Variants in MARCHF7 observed in about 807,000 individuals in gnomAD.
MARCHF7 encodes the protein E3 ubiquitin-protein ligase MARCHF7.
Under a neutral mutation model 76.5 loss-of-function variants are expected in MARCHF7, and 20 were observed. The ratio of observed to expected loss-of-function variants is 0.26; its 90% CI spans 0.18 to 0.38. The LOEUF (loss-of-function observed/expected upper bound fraction) is 0.38, where lower values mean the gene tolerates loss of function less well. MARCHF7 is among the 10% of genes least tolerant of loss of function. The pLI, the probability that MARCHF7 is intolerant of heterozygous loss-of-function variation, is 1.00. For synonymous variants in MARCHF7, 295 were observed against 293.0 expected, an observed-to-expected ratio of 1.01 and a Z score of -0.07; for missense variants, 797 against 812.9, an observed-to-expected ratio of 0.98 and a Z score of 0.24.
intron 9 of MARCHF7, among the ~76,000 whole-genome samples, chr2:159,761,254 C>T (rs1707026331): frequency 6.6e-6 from 1 of 151,722 alleles, no homozygotes; most frequent in Admixed American, 6.6e-5. Flanking sequence ...GAACTCCTGA[C>T]CTCAGGTGAG....
chr2:159,743,055 TCA>T lies in MARCHF7; in HGVS notation c.154-3_154-2del, dbSNP rs1491308630. On this transcript the variant is annotated splice_region_variant and splice_polypyrimidine_tract_variant and intron_variant, in intron 4 of 11. Coordinates refer to ENST00000409175, the MANE Select transcript of MARCHF7 (RefSeq NM_001282805.2). ...TGTTGTTTAAAAAATTTTTTTGAACTCACAGTCTACATCAGCATCAGCATCTG... is the reference window on the plus strand; with the variant it reads ...TGTTGTTTAAAAAATTTTTTTGAACTCAGTCTACATCAGCATCAGCATCTG... The T allele has an allele frequency of 5.6e-6, 9 of 1,603,716 alleles. No homozygotes were observed. Among genetic ancestry groups the T allele is most frequent in the Middle Eastern group, 1.7e-4 (1 of 6,004 alleles).
chr2:159,744,581 T>C (rs1432782538), intron 5 of MARCHF7, among the ~76,000 whole-genome samples: 2 of 152,246 alleles, frequency 1.3e-5, no homozygotes, highest in Non-Finnish European at 2.9e-5. Context: ...TAAAATTCTT[T>C]AAATGTTTGT....
chr2:159,726,172 A>G (rs191753267), intron 3 of MARCHF7, among the ~76,000 whole-genome samples: 66 of 152,276 alleles, frequency 4.3e-4, no homozygotes, highest in African/African-American at 1.4e-3. Context: ...CTTTAGGGGA[A>G]TGGAACTGGG....
At chr2:159,733,954 G>A in intron 4 of MARCHF7, 2 of 1,272,858 alleles carry the variant, frequency 1.6e-6, no homozygotes, top group Non-Finnish European at 2.0e-6. Context: ...ATATCTTTCA[G>A]TTCTCAGCCA....
At chr2:159,733,066 T>C (rs1377989078) in intron 4 of MARCHF7, 2 of 517,504 alleles carry the variant, frequency 3.9e-6, no homozygotes, top group Non-Finnish European at 2.3e-6. Context: ...TATTTAGTTA[T>C]AATTATTTAT....
At position 159,734,817 on chromosome 2, in the gene MARCHF7, GAAA is replaced by G. The variant is rs760907513; in HGVS notation, c.153+5659_153+5661del. 9.8e-3 allele frequency among the ~76,000 whole-genome samples: 540 copies of G among 55,278 alleles called. 6 individuals are homozygous for G. The highest frequency in any genetic ancestry group is 0.025 in the African/African-American group (482 of 18,918). 36.3% of individuals were successfully genotyped at this position (55,278 alleles called of 152,430 possible). On this transcript the variant is annotated intron_variant, in intron 4 of 11. Transcript: ENST00000409175. ...TGGGACCCCTCTCTAAAAATAAAAT[GAAA>G]AAAAAAAAAAAAAAAAGCCAGGCAT...
chr2:159,733,690 A>G (rs1703097741), intron 4 of MARCHF7: 1 of 985,414 alleles, frequency 1.0e-6, no homozygotes, highest in African/African-American at 1.7e-5. Context: ...AATTTCAGTT[A>G]TGTTATAGAC....
intron 3 of MARCHF7, among the ~76,000 whole-genome samples, chr2:159,721,228 GCCTGTTAAGATTCCTTA>G (rs1285126299): frequency 1.3e-5 from 2 of 152,060 alleles, no homozygotes; most frequent in African/African-American, 4.8e-5. Flanking sequence ...TGAGGAGGTG[GCCTGTTAAGATTCCTTA>G]CCTTGTTTAT....
chr2:159,759,811 T>G (rs2125700393), intron 9 of MARCHF7, among the ~76,000 whole-genome samples: 1 of 152,254 alleles, frequency 6.6e-6, no homozygotes, highest in Admixed American at 6.5e-5. Flanking sequence ...AAAAACACTT[T>G]TTGGCCAGGT....
Position 159,715,673 on chromosome 2 carries a change from A to AT in MARCHF7, c.-100-4dup, listed in dbSNP as rs1462712270. 1 of 151,888 alleles carries AT rather than the reference A, an allele frequency of 6.6e-6. No homozygotes were observed. Among genetic ancestry groups the AT allele is most frequent in the East Asian group, 1.9e-4 (1 of 5,184 alleles). The allele number at this position is 151,888 out of a possible 1,614,324, so 9.4% of individuals were successfully genotyped here. On this transcript the variant is annotated splice_region_variant and splice_polypyrimidine_tract_variant and intron_variant, in intron 2 of 11. Coordinates refer to ENST00000409175, the MANE Select transcript of MARCHF7 (RefSeq NM_001282805.2). ...TGGGGTTTAATTTTCATTAATCTTA[A>AT]TTTTCAGCTTTCTGCCCTGGCATGA... is the stretch of plus-strand genomic sequence containing the variant.
At chr2:159,742,844 G>A (rs1006933768) in intron 4 of MARCHF7, among the ~76,000 whole-genome samples, 21 of 152,262 alleles carry the variant, frequency 1.4e-4, no homozygotes, top group Non-Finnish European at 1.8e-4. Flanking sequence ...GGCTGAGGCA[G>A]GAGAATCGTT....
At chr2:159,740,553 A>G (rs979250752) in intron 4 of MARCHF7, among the ~76,000 whole-genome samples, 6 of 152,166 alleles carry the variant, frequency 3.9e-5, no homozygotes, top group Admixed American at 3.3e-4. Flanking sequence ...GGCCTGCAGG[A>G]TAAGGTCCCT....
chr2:159,768,885 TTAAC>T lies in MARCHF7; in HGVS notation c.*1546_*1549del, dbSNP rs1560035989. On this transcript the variant is annotated 3_prime_UTR_variant, in exon 12 of 12. Transcript: ENST00000409175. ...ACCCATAAAACTTTATTTAAAAAAT[TTAAC>T]TAGATGGTACAAAACATTCATTGGT... 6.6e-6 allele frequency: 1 copy of T among 152,294 alleles called. No individual in the cohort carries two copies. The highest frequency in any genetic ancestry group is 1.9e-4 in the East Asian group (1 of 5,186). The allele number at this position is 152,294 out of a possible 1,614,324, so 9.4% of individuals were successfully genotyped here. A position where few individuals can be genotyped will look rare whatever the true frequency, so the allele number is the denominator to read the frequency against.
chr2:159,750,535 A>G (rs1705512554), intron 7 of MARCHF7, among the ~76,000 whole-genome samples: 1 of 152,072 alleles, frequency 6.6e-6, no homozygotes, highest in Non-Finnish European at 1.5e-5. Flanking sequence ...AAATAAAATA[A>G]AATAAAATAA....
intron 11 of MARCHF7, among the ~76,000 whole-genome samples, chr2:159,766,155 G>A (rs1023851974): frequency 3.3e-5 from 5 of 152,142 alleles, no homozygotes; most frequent in Non-Finnish European, 7.4e-5. Context: ...CAGAGTATTA[G>A]TACATTCTGA....
intron 3 of MARCHF7, among the ~76,000 whole-genome samples, chr2:159,717,120 G>A (rs989693193): frequency 6.6e-6 from 1 of 152,134 alleles, no homozygotes; most frequent in Non-Finnish European, 1.5e-5. Context: ...TATGACACAG[G>A]AATCTTGGGA....
chr2:159,734,840 A>G (rs537080598), intron 4 of MARCHF7, among the ~76,000 whole-genome samples: 61 of 147,136 alleles, frequency 4.1e-4, no homozygotes, highest in African/African-American at 1.5e-3. Context: ...AAAAAAAGCC[A>G]GGCATGGTAG....
intron 5 of MARCHF7, among the ~76,000 whole-genome samples, chr2:159,744,883 G>A (rs1704654548): frequency 6.6e-6 from 1 of 152,152 alleles, no homozygotes; most frequent in African/African-American, 2.4e-5. Context: ...GAAGGAAAGA[G>A]GTTTGAGACT....
chr2:159,726,152 A>G (rs1414591183), intron 3 of MARCHF7, among the ~76,000 whole-genome samples: 1 of 152,218 alleles, frequency 6.6e-6, no homozygotes, highest in Non-Finnish European at 1.5e-5. Flanking sequence ...CCAGAGAATA[A>G]ATATCCTACC....
Sources: allele counts gnomAD v4.1 joint callset (sites outside exome capture counted in the v4.1 genomes callset), GRCh38; gene constraint gnomAD v4.1.1; transcripts MANE v1.5; gene names NCBI Gene and HGNC (gene_info 2026-07-23, HGNC 2026-07-21).